Variants in ST6GALNAC5 observed in about 807,000 individuals in gnomAD.
ST6GALNAC5 encodes ST6 N-acetylgalactosaminide alpha-2,6-sialyltransferase 5.
ST6GALNAC5 carries 27 observed loss-of-function variants against 33.6 expected under a neutral mutation model. That is an observed-to-expected ratio of 0.80 (90% confidence interval 0.59 to 1.11). The LOEUF (loss-of-function observed/expected upper bound fraction) is 1.11, where lower values mean the gene tolerates loss of function less well. ST6GALNAC5 is among the 50% of genes least tolerant of loss of function. The pLI is 0.00. For missense variants in ST6GALNAC5, 428 were observed against 454.0 expected, an observed-to-expected ratio of 0.94 and a Z score of 0.52; for synonymous variants, 194 against 171.2, an observed-to-expected ratio of 1.13 and a Z score of -1.04.
intron 2 of ST6GALNAC5, among the ~76,000 whole-genome samples, chr1:77,032,684 G>A (rs1341326007): frequency 6.6e-6 from 1 of 152,130 alleles, no homozygotes; most frequent in African/African-American, 2.4e-5. Flanking sequence ...ACTGAGATCT[G>A]AGCCCCAGCC....
At position 76,904,641 on chromosome 1, in the gene ST6GALNAC5, A is replaced by G. The variant is rs184347114; in HGVS notation, c.261+35899A>G. Among the ~76,000 whole-genome samples the G allele has an allele frequency of 3.8e-3, 578 of 152,236 alleles. 5 individuals are homozygous for G. The highest frequency in any genetic ancestry group is 0.013 in the African/African-American group (543 of 41,550). ...GGAGTTCGAGACCAGCCTGGCCAAC[A>G]TGGCGAAACCCCATCTGTACCAAAA... is the stretch of plus-strand genomic sequence containing the variant. On this transcript the variant is annotated intron_variant, in intron 2 of 4. Coordinates refer to ENST00000477717, the MANE Select transcript of ST6GALNAC5 (RefSeq NM_030965.3).
chr1:76,975,771 A>G (rs559060131), intron 2 of ST6GALNAC5, among the ~76,000 whole-genome samples: 13 of 152,300 alleles, frequency 8.5e-5, no homozygotes, highest in Admixed American at 8.5e-4. Context: ...AATTATCATA[A>G]AAGTCAAAAT....
At chr1:76,995,597 T>C (rs1189249732) in intron 2 of ST6GALNAC5, 1 of 151,900 alleles carries the variant, frequency 6.6e-6, no homozygotes, top group Admixed American at 6.6e-5. Flanking sequence ...AGAGTTAAAT[T>C]TTAATGAAAA....
intron 2 of ST6GALNAC5, among the ~76,000 whole-genome samples, chr1:76,939,346 A>G (rs1276236334): frequency 6.6e-6 from 1 of 152,126 alleles, no homozygotes; most frequent in Non-Finnish European, 1.5e-5. Flanking sequence ...AAAACTAATA[A>G]TAGCTCTGAC....
intron 2 of ST6GALNAC5, among the ~76,000 whole-genome samples, chr1:76,870,610 C>G (rs1195030456): frequency 1.3e-5 from 2 of 152,090 alleles, no homozygotes; most frequent in Admixed American, 6.5e-5. Context: ...TTTATTGAAA[C>G]AAAGAACAGT....
intron 2 of ST6GALNAC5, among the ~76,000 whole-genome samples, chr1:76,968,755 A>G: frequency 6.6e-6 from 1 of 152,138 alleles, no homozygotes; most frequent in Non-Finnish European, 1.5e-5. Flanking sequence ...TTCCTTCAGG[A>G]GATCTTGTAA....
rs185709874 is a variant in ST6GALNAC5 at position 76,979,229 on chromosome 1, C to T, written c.262-64975C>T. 5.7e-3 allele frequency among the ~76,000 whole-genome samples: 871 copies of T among 151,768 alleles called. 5 individuals are homozygous for T. Among genetic ancestry groups the T allele is most frequent in the Non-Finnish European group, 8.3e-3 (563 of 67,930 alleles). On this transcript the variant is annotated intron_variant, in intron 2 of 4. Transcript: ENST00000477717. ...AGCTGCAGATTCAATGCAATCCCTA[C>T]GAAAATACCAAAGACATTCTTTACA...
At chr1:76,912,781 T>C (rs534821457) in intron 2 of ST6GALNAC5, among the ~76,000 whole-genome samples, 1 of 152,156 alleles carries the variant, frequency 6.6e-6, no homozygotes, top group African/African-American at 2.4e-5. Flanking sequence ...TGCTGGTAGA[T>C]CTTCCATCCT....
chr1:76,921,966 G>C (rs1647038662), intron 2 of ST6GALNAC5, among the ~76,000 whole-genome samples: 1 of 152,114 alleles, frequency 6.6e-6, no homozygotes, highest in Admixed American at 6.6e-5. Flanking sequence ...AGGACGTTTG[G>C]CATCATTCGT....
At chr1:76,899,499 C>T (rs1454460653) in intron 2 of ST6GALNAC5, among the ~76,000 whole-genome samples, 1 of 152,088 alleles carries the variant, frequency 6.6e-6, no homozygotes, top group Non-Finnish European at 1.5e-5. Context: ...GGTTCCTGCC[C>T]CTCCCCCAGA....
chr1:76,997,793 G>A (rs1387536911), intron 2 of ST6GALNAC5, among the ~76,000 whole-genome samples: 1 of 152,158 alleles, frequency 6.6e-6, no homozygotes, highest in Non-Finnish European at 1.5e-5. Context: ...GAGGCCAGGA[G>A]TTCAAGACCA....
intron 2 of ST6GALNAC5, among the ~76,000 whole-genome samples, chr1:77,006,947 C>T (rs995710974): frequency 2.0e-5 from 3 of 152,092 alleles, no homozygotes; most frequent in Non-Finnish European, 4.4e-5. Context: ...AGGCCTAGAA[C>T]CTTTCCTTGT....
At chr1:77,041,408 C>G (rs557156387) in intron 2 of ST6GALNAC5, among the ~76,000 whole-genome samples, 55 of 152,220 alleles carry the variant, frequency 3.6e-4, no homozygotes, top group African/African-American at 1.3e-3. Context: ...TGGTTTTGGC[C>G]ATTACTTTTA....
intron 2 of ST6GALNAC5, among the ~76,000 whole-genome samples, chr1:76,956,237 A>G (rs1311667469): frequency 6.6e-6 from 1 of 152,050 alleles, no homozygotes; most frequent in African/African-American, 2.4e-5. Context: ...CTTTAAGACC[A>G]ATAGAGGAAG....
intron 2 of ST6GALNAC5, among the ~76,000 whole-genome samples, chr1:76,918,004 T>C (rs1366978773): frequency 6.6e-6 from 1 of 152,156 alleles, no homozygotes; most frequent in Non-Finnish European, 1.5e-5. Context: ...CAGATGGTTG[T>C]CTCATCCAGA....
intron 2 of ST6GALNAC5, among the ~76,000 whole-genome samples, chr1:76,930,531 C>A (rs1217110685): frequency 1.3e-5 from 2 of 152,092 alleles, no homozygotes; most frequent in Non-Finnish European, 2.9e-5. Context: ...CTCTCCAGAA[C>A]AGGTGGAAGG....
At chr1:77,032,449 T>G (rs1405083659) in intron 2 of ST6GALNAC5, among the ~76,000 whole-genome samples, 1 of 152,082 alleles carries the variant, frequency 6.6e-6, no homozygotes, top group Non-Finnish European at 1.5e-5. Context: ...ATAGAAATGA[T>G]TAACGTCAAC....
chr1:77,064,020 A>G lies in ST6GALNAC5; in HGVS notation c.*814A>G, dbSNP rs1234264063. On this transcript the variant is annotated 3_prime_UTR_variant, in exon 5 of 5. Transcript: ENST00000477717. ...TTCCAAAAGGACAAAATTGAAAACC[A>G]AAAACTATGTTATTAAAACAAAAAA... 1.3e-5 allele frequency: 2 copies of G among 152,540 alleles called. No individual in the cohort carries two copies. Among genetic ancestry groups the G allele is most frequent in the East Asian group, 3.8e-4 (2 of 5,198 alleles). The allele number at this position is 152,540 out of a possible 1,614,324, so 9.4% of individuals were successfully genotyped here.
intron 2 of ST6GALNAC5, among the ~76,000 whole-genome samples, chr1:76,973,767 C>A (rs1648864140): frequency 6.6e-6 from 1 of 152,032 alleles, no homozygotes; most frequent in Non-Finnish European, 1.5e-5. Flanking sequence ...TGAAATGTTT[C>A]TTGTGTGTGT....
Sources: gnomAD v4.1 joint callset for allele counts (sites outside exome capture counted in the v4.1 genomes callset) on GRCh38, gnomAD v4.1.1 for gene constraint, MANE v1.5 for transcripts, NCBI Gene and HGNC (gene_info 2026-07-23, HGNC 2026-07-21) for gene names.